The following VPS13D variants were observed in gnomAD, a reference collection of about 807,000 sequenced individuals.
VPS13D encodes intermembrane lipid transfer protein VPS13D.
VPS13D carries 187 observed loss-of-function variants against 461.9 expected under a neutral mutation model. That is an observed-to-expected ratio of 0.40 (90% CI 0.36 to 0.46). VPS13D has a LOEUF of 0.46. VPS13D is among the 20% of genes least tolerant of loss of function. The pLI, the probability that VPS13D is intolerant of heterozygous loss-of-function variation, is 0.60. For missense variants in VPS13D, 4,711 were observed against 5,364.9 expected, an observed-to-expected ratio of 0.88 and a Z score of 3.81; for synonymous variants, 1,951 against 1,986.3, an observed-to-expected ratio of 0.98 and a Z score of 0.47.
At position 12,500,251 on chromosome 1, in the gene VPS13D, T is replaced by C. The variant is rs1281423196; in HGVS notation, c.12794+2620T>C. ...TTCTGGTCTGGCCAGCTGAAAAGTC[T>C]TCACTTTCAAATTAATCATATATTC... is the stretch of plus-strand genomic sequence containing the variant. On this transcript the variant is annotated intron_variant, in intron 68 of 69. Transcript: ENST00000620676. 3.1e-6 allele frequency: 3 copies of C among 979,472 alleles called. No individual in the cohort carries two copies. The African/African-American group carries it at 5.2e-5, about 17-fold the overall frequency. The allele number at this position is 979,472 out of a possible 1,614,324, so 60.7% of individuals were successfully genotyped here. A position where few individuals can be genotyped will look rare whatever the true frequency, so the allele number is the denominator to read the frequency against.
intron 18 of VPS13D, among the ~76,000 whole-genome samples, chr1:12,274,405 AC>A (rs1641547049): frequency 6.6e-6 from 1 of 151,884 alleles, no homozygotes; most frequent in Admixed American, 6.6e-5. Flanking sequence ...TGAACTCCTA[AC>A]CTCAAAGTGA....
intron 65 of VPS13D, among the ~76,000 whole-genome samples, chr1:12,418,076 T>C (rs1199621331): frequency 6.6e-6 from 1 of 152,064 alleles, no homozygotes; most frequent in Non-Finnish European, 1.5e-5. Flanking sequence ...CCCATTGATT[T>C]TTTGTATTTT....
At chr1:12,489,340 CCACTGATG>C (rs1376218191) in intron 67 of VPS13D, among the ~76,000 whole-genome samples, 6 of 152,128 alleles carry the variant, frequency 3.9e-5, no homozygotes, top group Non-Finnish European at 8.8e-5. Context: ...GGTGTGAATC[CCACTGATG>C]GGAGAAAACC....
At chr1:12,468,731 T>C (rs1205425494) in intron 67 of VPS13D, among the ~76,000 whole-genome samples, 4 of 152,322 alleles carry the variant, frequency 2.6e-5, no homozygotes, top group Middle Eastern at 6.8e-3. Flanking sequence ...AACATTCTTA[T>C]CACAATATAC....
At chr1:12,462,497 C>G (rs1281677464) in intron 67 of VPS13D, among the ~76,000 whole-genome samples, 1 of 152,204 alleles carries the variant, frequency 6.6e-6, no homozygotes, top group East Asian at 1.9e-4. Flanking sequence ...AGTTGATTTA[C>G]AAATGAGGAC....
intron 65 of VPS13D, among the ~76,000 whole-genome samples, chr1:12,428,403 A>C (rs1027612689): frequency 1.1e-4 from 16 of 152,232 alleles, no homozygotes; most frequent in African/African-American, 3.9e-4. Flanking sequence ...GCCATTCCTA[A>C]GAACAAGGAC....
intron 5 of VPS13D, among the ~76,000 whole-genome samples, chr1:12,245,244 GT>G (rs1157383110): frequency 1.3e-4 from 20 of 152,140 alleles, no homozygotes; most frequent in African/African-American, 4.8e-4. Flanking sequence ...TGTTTTAAGA[GT>G]TTGTCCATAC....
At chr1:12,392,885 C>T (rs1455142112) in intron 60 of VPS13D, among the ~76,000 whole-genome samples, 1 of 152,214 alleles carries the variant, frequency 6.6e-6, no homozygotes, top group Non-Finnish European at 1.5e-5. Context: ...GCAGAGTCTT[C>T]TCCCATTCTG....
chr1:12,254,004 G>A (rs572879867), intron 7 of VPS13D, among the ~76,000 whole-genome samples, 178 bp downstream of exon 7: 1 of 152,208 alleles, frequency 6.6e-6, no homozygotes, highest in Admixed American at 6.5e-5. Context: ...ATGTGACTTC[G>A]AACAATATAT....
chr1:12,454,429 GAT>G (rs1176797791), intron 65 of VPS13D, among the ~76,000 whole-genome samples: 1 of 152,216 alleles, frequency 6.6e-6, no homozygotes, highest in Non-Finnish European at 1.5e-5. Context: ...GACAGGCAGT[GAT>G]ATGGAAGGCA....
chr1:12,299,335 A>G lies in VPS13D; in HGVS notation c.6167A>G (p.Asn2056Ser). 1 of 1,613,930 alleles carries G rather than the reference A, an allele frequency of 6.2e-7. No individual in the cohort carries two copies. Among genetic ancestry groups the G allele is most frequent in the South Asian group, 1.1e-5 (1 of 91,020 alleles). ...AATTTGGGGAAGTTGAAAGTCAAAA[A>G]TAAGTTTCTGTTTGCTGGTTTTCCT... ...VANLGKLKVK[N>S]KFLFAGFPGT... Residue 2056 changes from asparagine to serine, a missense_variant, in exon 25 of 70, where the codon AAT (asparagine) becomes AGT (serine). By Grantham distance (46) the Asn-to-Ser change is conservative (BLOSUM62 1). Transcript: ENST00000620676. The surrounding 1 kb of genome is among the most constrained non-coding windows in gnomAD (Gnocchi z 4.2).
intron 65 of VPS13D, 115 bp downstream of exon 65, chr1:12,416,942 A>G: frequency 1.7e-6 from 2 of 1,177,134 alleles, no homozygotes; most frequent in Non-Finnish European, 1.1e-6. Context: ...CTTTTGCTTC[A>G]TTGCCCACAT....
At chr1:12,306,300 A>G (rs1324770780) in intron 26 of VPS13D, among the ~76,000 whole-genome samples, 1 of 152,218 alleles carries the variant, frequency 6.6e-6, no homozygotes, top group African/African-American at 2.4e-5. Context: ...GTTATGAGGT[A>G]GTAATGGAAG....
At chr1:12,287,126 G>A (rs909383999) in intron 21 of VPS13D, among the ~76,000 whole-genome samples, 5 of 152,150 alleles carry the variant, frequency 3.3e-5, no homozygotes. Context: ...CTCCCAAAGT[G>A]CTGGGATTAC....
At position 12,264,154 on chromosome 1, in the gene VPS13D, C is replaced by T. The variant is rs1355037918; in HGVS notation, c.1594+2074C>T. Among the ~76,000 whole-genome samples the T allele has an allele frequency of 3.3e-5, 5 of 152,174 alleles. No homozygotes were observed. In the East Asian group the frequency reaches 5.8e-4, roughly 18 times the overall value. ...TGCCCATAGAAGATGGTAACTTAGT[C>T]AATATTGTGTATGTTCCAACTGCTC... On this transcript the variant is annotated intron_variant, in intron 13 of 69. Coordinates refer to ENST00000620676, the MANE Select transcript of VPS13D (RefSeq NM_015378.4).
At chr1:12,409,984 A>AT (rs1186166072) in intron 63 of VPS13D, 1 of 449,138 alleles carries the variant, frequency 2.2e-6, no homozygotes, top group Non-Finnish European at 4.5e-6. Flanking sequence ...CCAAGCAGAA[A>AT]GCAGCTGCCA....
chr1:12,497,342 A>C, intron 67 of VPS13D, 158 bp from the exon 68 acceptor site: 1 of 766,748 alleles, frequency 1.3e-6, no homozygotes, highest in Non-Finnish European at 1.9e-6. Context: ...TTTAACCGCT[A>C]TTTCATGGTG....
rs1386496878 is a variant in VPS13D, at chr1:12,260,945, C to G, written c.1213-3C>G. On this transcript the variant is annotated splice_region_variant and splice_polypyrimidine_tract_variant and intron_variant, in intron 11 of 69. Transcript: ENST00000620676. ...CATCTCTGCTCCTTTGTGATTGACACAGAGTCTGCGGGAGCCTCAGTTTGA... is the reference window on the plus strand; with the variant it reads ...CATCTCTGCTCCTTTGTGATTGACAGAGAGTCTGCGGGAGCCTCAGTTTGA... 1 of 1,614,018 alleles carries G rather than the reference C, an allele frequency of 6.2e-7. No homozygotes were observed. The highest frequency in any genetic ancestry group is 1.1e-5 in the South Asian group (1 of 91,074).
rs201021884 is a variant in VPS13D at position 12,509,046 on chromosome 1, G to C, written c.*22G>C. On this transcript the variant is annotated 3_prime_UTR_variant, in exon 70 of 70. Transcript: ENST00000620676. ...CTGAAGCCCCGCTGCTGAGATGGGC[G>C]CTCCCGACACAGCGCAGACCCACCA... is the stretch of plus-strand genomic sequence containing the variant. 3 of 1,612,406 alleles carry C rather than the reference G, an allele frequency of 1.9e-6. No individual in the cohort carries two copies. The African/African-American group carries it at 4.0e-5, about 22-fold the overall frequency.
Sources: allele counts gnomAD v4.1 joint callset (sites outside exome capture counted in the v4.1 genomes callset), GRCh38; gene constraint gnomAD v4.1.1; non-coding constraint Gnocchi (gnomAD v3.1); transcripts MANE v1.5; gene names NCBI Gene and HGNC (gene_info 2026-07-23, HGNC 2026-07-21).